The following PTPRM variants were observed in gnomAD, a reference collection of about 807,000 sequenced individuals.
PTPRM encodes protein tyrosine phosphatase receptor type M.
Under a neutral mutation model 186.7 loss-of-function variants are expected in PTPRM, and 47 were observed. The observed-to-expected ratio is 0.25, with a 90% CI of 0.20 to 0.32. The LOEUF (loss-of-function observed/expected upper bound fraction) is 0.32. Among genes scored for constraint, PTPRM ranks in the 10% least tolerant of loss-of-function variants. PTPRM has a pLI of 1.00. For synonymous variants in PTPRM, 668 were observed against 674.9 expected (o/e 0.99, Z 0.16); for missense variants, 1,494 against 1,865.0 (o/e 0.80, Z 3.66).
At chr18:7,599,571 CTG>C (rs1273649696) in intron 1 of PTPRM, among the ~76,000 whole-genome samples, 1 of 152,196 alleles carries the variant, frequency 6.6e-6, no homozygotes, top group African/African-American at 2.4e-5. Flanking sequence ...TGGCTTAAGT[CTG>C]TGCATGCTCC....
Position 7,568,008 on chromosome 18 carries a change from C to G in PTPRM, c.73+117C>G. The G allele has an allele frequency of 3.1e-6, 3 of 979,826 alleles. No homozygotes were observed. Among genetic ancestry groups the G allele is most frequent in the Non-Finnish European group, 4.0e-6 (3 of 741,694 alleles). 60.7% of individuals were successfully genotyped at this position (979,826 alleles called of 1,614,324 possible). A position where few individuals can be genotyped will look rare whatever the true frequency, so the allele number is the denominator to read the frequency against. On this transcript the variant is annotated intron_variant, in intron 1 of 32. Coordinates refer to ENST00000580170, the MANE Select transcript of PTPRM (RefSeq NM_001105244.2). This position sits in a 1 kb window ranked among gnomAD's most constrained non-coding sequence, Gnocchi z 5.1. ...GCTGGCGTCGGGGCCGGGCGGGGGGCGCGGCGGGCCGGACACCGCTTCTGC... is the reference window on the plus strand; with the variant it reads ...GCTGGCGTCGGGGCCGGGCGGGGGGGGCGGCGGGCCGGACACCGCTTCTGC...
chr18:8,283,337 A>G (rs2094924389), intron 19 of PTPRM, among the ~76,000 whole-genome samples: 1 of 152,250 alleles, frequency 6.6e-6, no homozygotes, highest in Non-Finnish European at 1.5e-5. Flanking sequence ...AAATCTATTT[A>G]TTAGTATAAT....
At chr18:8,356,815 G>T (rs1266444036) in intron 23 of PTPRM, among the ~76,000 whole-genome samples, 1 of 152,044 alleles carries the variant, frequency 6.6e-6, no homozygotes, top group South Asian at 2.1e-4. Flanking sequence ...AGGAGAATAG[G>T]GTGTTGTGAG....
intron 2 of PTPRM, among the ~76,000 whole-genome samples, chr18:7,803,543 C>T (rs1466494200): frequency 6.6e-6 from 1 of 152,098 alleles, no homozygotes; most frequent in Non-Finnish European, 1.5e-5. Flanking sequence ...GGGATTAAGA[C>T]ACGGACATCA....
At chr18:8,016,432 G>C (rs1344426990) in intron 7 of PTPRM, among the ~76,000 whole-genome samples, 1 of 151,064 alleles carries the variant, frequency 6.6e-6, no homozygotes, top group Non-Finnish European at 1.5e-5. Flanking sequence ...AGGCATGAGA[G>C]TCACTTGAAC....
At chr18:7,639,539 A>T (rs553402448) in intron 1 of PTPRM, among the ~76,000 whole-genome samples, 15 of 151,030 alleles carry the variant, frequency 9.9e-5, no homozygotes, top group South Asian at 2.1e-4. Flanking sequence ...GGCACCTGCC[A>T]CCACGCCTGG....
At chr18:7,653,186 G>T (rs544157304) in intron 1 of PTPRM, among the ~76,000 whole-genome samples, 3 of 151,020 alleles carry the variant, frequency 2.0e-5, no homozygotes, top group Non-Finnish European at 1.5e-5. Flanking sequence ...TCACTCTGTT[G>T]CCCAGGTGGG....
intron 2 of PTPRM, among the ~76,000 whole-genome samples, chr18:7,859,578 C>A (rs563439072): frequency 6.6e-6 from 1 of 152,206 alleles, no homozygotes; most frequent in Non-Finnish European, 1.5e-5. Flanking sequence ...CCAAGTATGC[C>A]CACTGGAGTT....
chr18:7,903,628 G>C (rs2049819549), intron 3 of PTPRM, among the ~76,000 whole-genome samples: 1 of 152,172 alleles, frequency 6.6e-6, no homozygotes, highest in South Asian at 2.1e-4. Flanking sequence ...CCTTTCTCTT[G>C]TATTGTCAGT....
chr18:8,366,350 T>A (rs1568838516), intron 23 of PTPRM, among the ~76,000 whole-genome samples: 1 of 152,184 alleles, frequency 6.6e-6, no homozygotes, highest in Non-Finnish European at 1.5e-5. Flanking sequence ...GGGAGCTTGT[T>A]CAAAGCGCAC....
chr18:7,655,860 A>G (rs568606575), intron 1 of PTPRM, among the ~76,000 whole-genome samples: 2 of 152,346 alleles, frequency 1.3e-5, no homozygotes, highest in African/African-American at 2.4e-5. Flanking sequence ...TAGGAAAAAG[A>G]TAAGTATTGT....
chr18:8,389,826 G>A lies in PTPRM; in HGVS notation c.4208+2591G>A, dbSNP rs1312656739. Among the ~76,000 whole-genome samples, 9 of 152,164 alleles carry A rather than the reference G, an allele frequency of 5.9e-5. No homozygotes were observed. The South Asian group carries it at 8.3e-4, about 14-fold the overall frequency. ...AGCATGGCATTCAGCATAGTGTAGCGCCACCTAACGGCTGTGGGTGGAGAG... is the reference window on the plus strand; with the variant it reads ...AGCATGGCATTCAGCATAGTGTAGCACCACCTAACGGCTGTGGGTGGAGAG... On this transcript the variant is annotated intron_variant, in intron 31 of 32. Coordinates refer to ENST00000580170, the MANE Select transcript of PTPRM (RefSeq NM_001105244.2).
chr18:8,102,177 C>A (rs1405553385), intron 11 of PTPRM, among the ~76,000 whole-genome samples: 1 of 152,160 alleles, frequency 6.6e-6, no homozygotes, highest in Non-Finnish European at 1.5e-5. Context: ...GAGGCATAAT[C>A]TTTTTGCTAG....
chr18:8,262,849 A>G (rs886199723), intron 19 of PTPRM, among the ~76,000 whole-genome samples: 1 of 152,192 alleles, frequency 6.6e-6, no homozygotes, highest in African/African-American at 2.4e-5. Context: ...TTCATATTTG[A>G]TGAATTGATT....
In PTPRM at chr18:8,063,334, C is replaced by T. The variant is rs1009780343; in HGVS notation, c.1133-6352C>T. On this transcript the variant is annotated intron_variant, in intron 7 of 32. Transcript: ENST00000580170. ...CTTCGGCTTGCGCACACCCACTGGC[C>T]TGCGCCCACTGTCTGGCACTCCCTA... 1.7e-3 allele frequency among the ~76,000 whole-genome samples: 262 copies of T among 150,888 alleles called. 5 individuals carry two copies. The highest frequency in any genetic ancestry group is 6.1e-3 in the African/African-American group (245 of 40,246).
intron 7 of PTPRM, among the ~76,000 whole-genome samples, chr18:8,023,870 A>ACGCG (rs35084039): frequency 0.022 from 3,296 of 149,354 alleles, 113 homozygotes; most frequent in South Asian, 0.055. Flanking sequence ...ACACACACAC[A>ACGCG]CGCACACCCC....
chr18:7,687,539 A>G (rs1239225531), intron 1 of PTPRM, among the ~76,000 whole-genome samples: 1 of 152,202 alleles, frequency 6.6e-6, no homozygotes, highest in African/African-American at 2.4e-5. Context: ...TAGTTGCTTT[A>G]GGAAACCTTC....
At chr18:7,815,607 C>T (rs2145542554) in intron 2 of PTPRM, 1 of 152,204 alleles carries the variant, frequency 6.6e-6, no homozygotes, top group Non-Finnish European at 1.5e-5. Context: ...CGCTCGAGGC[C>T]AGGATTTTGA....
rs182861277 is a variant in PTPRM, at chr18:8,207,967, T to C, written c.2301-36091T>C. On this transcript the variant is annotated intron_variant, in intron 14 of 32. Coordinates refer to ENST00000580170, the MANE Select transcript of PTPRM (RefSeq NM_001105244.2). ...AAAGAAATATATCTGCCAACAAATATTCAGAAATTACGTGCCATATTTTTT... is the reference window on the plus strand; with the variant it reads ...AAAGAAATATATCTGCCAACAAATACTCAGAAATTACGTGCCATATTTTTT... Among the ~76,000 whole-genome samples the C allele has an allele frequency of 2.0e-5, 3 of 152,318 alleles. No individual in the cohort carries two copies. In the East Asian group the frequency reaches 5.8e-4, roughly 29 times the overall value.
Sources: gnomAD v4.1 joint callset for allele counts (sites outside exome capture counted in the v4.1 genomes callset) on GRCh38, gnomAD v4.1.1 for gene constraint, Gnocchi (gnomAD v3.1) non-coding constraint, MANE v1.5 for transcripts, NCBI Gene and HGNC (gene_info 2026-07-23, HGNC 2026-07-21) for gene names.